DGKB: variants seen among roughly 807,000 people sequenced by gnomAD.
The protein encoded by DGKB is 90 kDa diacylglycerol kinase.
DGKB carries 67 observed loss-of-function variants against 114.3 expected under a neutral mutation model. The observed-to-expected ratio is 0.59, with a 90% CI of 0.48 to 0.72. DGKB has a LOEUF of 0.72. DGKB is among the 30% of genes least tolerant of loss of function. The pLI is 0.00. For synonymous variants in DGKB, 398 were observed against 323.1 expected (o/e 1.23, Z -2.49); for missense variants, 907 against 975.2 (o/e 0.93, Z 0.93).
intron 1 of DGKB, among the ~76,000 whole-genome samples, chr7:14,883,616 GT>G (rs1854575767): frequency 6.6e-6 from 1 of 151,974 alleles, no homozygotes; most frequent in African/African-American, 2.4e-5. Context: ...GAGCCATGTG[GT>G]TTTGTATTAA....
intron 5 of DGKB, among the ~76,000 whole-genome samples, chr7:14,729,944 T>C (rs1226763272): frequency 6.6e-6 from 1 of 152,162 alleles, no homozygotes; most frequent in East Asian, 1.9e-4. Flanking sequence ...TGAGTGCCTA[T>C]TATTATTTAA....
chr7:14,423,242 G>C (rs540408457), intron 21 of DGKB, among the ~76,000 whole-genome samples: 1 of 152,024 alleles, frequency 6.6e-6, no homozygotes, highest in African/African-American at 2.4e-5. Flanking sequence ...AAATATTTTT[G>C]CCATCCTAGG....
intron 17 of DGKB, among the ~76,000 whole-genome samples, chr7:14,602,566 C>T (rs1220931405): frequency 6.6e-6 from 1 of 152,280 alleles, no homozygotes; most frequent in South Asian, 2.1e-4. Context: ...GGAAACCAGC[C>T]AGCTGTTTTT....
At chr7:14,879,749 G>A (rs1009925643) in intron 1 of DGKB, among the ~76,000 whole-genome samples, 1 of 152,100 alleles carries the variant, frequency 6.6e-6, no homozygotes, top group African/African-American at 2.4e-5. Context: ...CCTCAATGCT[G>A]AAAGAATCTT....
At chr7:14,764,405 T>C (rs987301601) in intron 2 of DGKB, among the ~76,000 whole-genome samples, 1 of 151,968 alleles carries the variant, frequency 6.6e-6, no homozygotes, top group Admixed American at 6.6e-5. Flanking sequence ...AGCTACATAG[T>C]ACTTAAAAGT....
rs1477147958 is a variant in DGKB at position 14,742,913 on chromosome 7, C to T, written c.169-6719G>A. The stretch of plus-strand genomic sequence containing the variant: ...TTGTTTTAAATTAGATAAGGTCAAG[C>T]TAAAGGTTTAAATAGTTGTGGAAGG... On this transcript the variant is annotated intron_variant, in intron 4 of 25. Coordinates refer to ENST00000402815, the MANE Select transcript of DGKB (RefSeq NM_001350709.2). Among the ~76,000 whole-genome samples the T allele has an allele frequency of 3.3e-5, 5 of 152,166 alleles. No individual in the cohort carries two copies. In the East Asian group the frequency reaches 9.7e-4, roughly 29 times the overall value.
At chr7:14,769,186 A>AG (rs1836982619) in intron 2 of DGKB, among the ~76,000 whole-genome samples, 2 of 76,106 alleles carry the variant, frequency 2.6e-5, no homozygotes, top group African/African-American at 2.1e-4. Flanking sequence ...GAGAAAGGAA[A>AG]GAAAGAAAGA....
At chr7:14,350,150 T>C (rs1188840087) in intron 21 of DGKB, among the ~76,000 whole-genome samples, 1 of 152,174 alleles carries the variant, frequency 6.6e-6, no homozygotes, top group Admixed American at 6.5e-5. Context: ...CCTGGAATTT[T>C]CATACGAACT....
At chr7:14,789,772 A>T (rs536078662) in intron 2 of DGKB, among the ~76,000 whole-genome samples, 1 of 152,224 alleles carries the variant, frequency 6.6e-6, no homozygotes, top group Admixed American at 6.5e-5. Context: ...TTTTATATGA[A>T]CATATTTTCA....
intron 20 of DGKB, among the ~76,000 whole-genome samples, chr7:14,535,392 A>G (rs1792288554): frequency 7.1e-6 from 1 of 141,542 alleles, no homozygotes; most frequent in African/African-American, 2.6e-5. Context: ...AAAAAAAAAA[A>G]AAGAAAGAAA....
chr7:14,804,997 T>G (rs564650890), intron 2 of DGKB, among the ~76,000 whole-genome samples: 15 of 152,236 alleles, frequency 9.9e-5, no homozygotes, highest in Admixed American at 2.6e-4. Flanking sequence ...TTTTATTGTC[T>G]GATTTTCATT....
intron 23 of DGKB, among the ~76,000 whole-genome samples, chr7:14,244,613 T>G (rs113537044): frequency 7.2e-6 from 1 of 138,190 alleles, no homozygotes; most frequent in African/African-American, 2.8e-5. Flanking sequence ...CGGGTTGCAG[T>G]GAGCTGAGAT....
rs572827166 is a variant in DGKB, at chr7:14,717,054, G to A, written c.466+1488C>T. Among the ~76,000 whole-genome samples, 58 of 151,932 alleles carry A rather than the reference G, an allele frequency of 3.8e-4. No individual in the cohort carries two copies. The South Asian group carries it at 0.012, about 31-fold the overall frequency. On this transcript the variant is annotated intron_variant, in intron 6 of 25. Transcript: ENST00000402815. ...AACACTAAAGAAAAGTAAATGGCAG[G>A]TCAGTGGATGAGATTCATCATGTCT...
At chr7:14,174,178 G>A (rs1463679556) in intron 25 of DGKB, among the ~76,000 whole-genome samples, 2 of 152,158 alleles carry the variant, frequency 1.3e-5, no homozygotes, top group Non-Finnish European at 2.9e-5. Flanking sequence ...GCCATTTTGT[G>A]TTGAGCTTCA....
At chr7:14,643,959 G>T (rs1812385218) in intron 13 of DGKB, among the ~76,000 whole-genome samples, 1 of 152,082 alleles carries the variant, frequency 6.6e-6, no homozygotes, top group South Asian at 2.1e-4. Context: ...ACCAACCAGG[G>T]TCTACTGCCA....
chr7:14,622,611 A>C (rs1416337537), intron 14 of DGKB, among the ~76,000 whole-genome samples: 3 of 152,156 alleles, frequency 2.0e-5, no homozygotes, highest in Non-Finnish European at 2.9e-5. Flanking sequence ...ACTGGATGAC[A>C]ACTCACCACC....
At chr7:14,751,903 T>C (rs1206656115) in intron 4 of DGKB, among the ~76,000 whole-genome samples, 1 of 152,228 alleles carries the variant, frequency 6.6e-6, no homozygotes, top group Non-Finnish European at 1.5e-5. Context: ...GAAATCACAT[T>C]GGTCATTAAA....
intron 12 of DGKB, among the ~76,000 whole-genome samples, chr7:14,680,156 C>A (rs1820581754): frequency 6.6e-6 from 1 of 151,652 alleles, no homozygotes. Context: ...TCTGACTCTG[C>A]CTTAACTCCA....
intron 23 of DGKB, among the ~76,000 whole-genome samples, chr7:14,255,940 G>A (rs1000287657): frequency 1.4e-5 from 2 of 138,110 alleles, no homozygotes; most frequent in African/African-American, 2.6e-5. Flanking sequence ...ACATATTTCT[G>A]TCCTATATTC....
Sources: gnomAD v4.1 joint callset for allele counts (sites outside exome capture counted in the v4.1 genomes callset) on GRCh38, gnomAD v4.1.1 for gene constraint, MANE v1.5 for transcripts, NCBI Gene and HGNC (gene_info 2026-07-23, HGNC 2026-07-21) for gene names.